ITFG1: variants seen among roughly 807,000 people sequenced by gnomAD.
ITFG1 encodes T-cell immunomodulatory protein.
ITFG1 carries 34 observed loss-of-function variants against 81.8 expected under a neutral mutation model. The ratio of observed to expected loss-of-function variants is 0.42; its 90% CI spans 0.32 to 0.55. ITFG1 has a LOEUF of 0.55. Ranked by LOEUF, ITFG1 falls within the 20% of genes least tolerant of loss-of-function variation. The pLI is 0.17. For missense variants in ITFG1, 672 were observed against 755.4 expected (o/e 0.89, Z 1.29); for synonymous variants, 285 against 270.6 (o/e 1.05, Z -0.52).
chr16:47,332,127 A>C (rs2151574166), intron 8 of ITFG1, among the ~76,000 whole-genome samples: 1 of 152,196 alleles, frequency 6.6e-6, no homozygotes, highest in African/African-American at 2.4e-5. Context: ...ACTTTTTGCC[A>C]GAAGGGTAGA....
At chr16:47,420,937 T>C (rs560013179) in intron 6 of ITFG1, among the ~76,000 whole-genome samples, 1 of 152,290 alleles carries the variant, frequency 6.6e-6, no homozygotes, top group African/African-American at 2.4e-5. Context: ...ATCTGGGTGC[T>C]CCACTGTTAG....
At chr16:47,290,635 T>C (rs1374928280) in intron 10 of ITFG1, among the ~76,000 whole-genome samples, 4 of 152,312 alleles carry the variant, frequency 2.6e-5, no homozygotes, top group Admixed American at 2.6e-4. Context: ...CCAGCTCAAT[T>C]GGCTTCTGTT....
Position 47,286,284 on chromosome 16 carries a change from G to A in ITFG1, c.1070+24956C>T, listed in dbSNP as rs145712683. Among the ~76,000 whole-genome samples, 904 of 152,204 alleles carry A rather than the reference G, an allele frequency of 5.9e-3. 13 individuals are homozygous for A. Among genetic ancestry groups the A allele is most frequent in the South Asian group, 0.057 (277 of 4,824 alleles). On this transcript the variant is annotated intron_variant, in intron 10 of 17. Transcript: ENST00000320640. ...CAGAGGCTGGGACTTTAACTGCCCCGTCAATTATATGATATGATAAAGGAG... is the reference window on the plus strand; with the variant it reads ...CAGAGGCTGGGACTTTAACTGCCCCATCAATTATATGATATGATAAAGGAG...
intron 2 of ITFG1, among the ~76,000 whole-genome samples, chr16:47,455,580 C>T (rs182800584): frequency 6.2e-4 from 94 of 151,510 alleles, no homozygotes; most frequent in Non-Finnish European, 7.4e-5. Context: ...ACCAGCCTGG[C>T]CAACATTGCA....
chr16:47,421,948 G>C (rs1259937717), intron 6 of ITFG1, among the ~76,000 whole-genome samples: 1 of 152,134 alleles, frequency 6.6e-6, no homozygotes. Context: ...CTGTCCTTGT[G>C]ACAGTTTGCT....
chr16:47,328,656 A>C (rs980023576), intron 8 of ITFG1, among the ~76,000 whole-genome samples: 1 of 152,124 alleles, frequency 6.6e-6, no homozygotes, highest in African/African-American at 2.4e-5. Context: ...GCAGAGTGAT[A>C]CTTAAGGGCT....
chr16:47,412,605 A>G (rs1968825542), intron 6 of ITFG1, among the ~76,000 whole-genome samples: 1 of 151,688 alleles, frequency 6.6e-6, no homozygotes, highest in Non-Finnish European at 1.5e-5. Flanking sequence ...GAGGCATGAG[A>G]ATCACTTGAA....
chr16:47,458,428 C>T (rs1969480350), intron 2 of ITFG1, among the ~76,000 whole-genome samples: 1 of 152,172 alleles, frequency 6.6e-6, no homozygotes, highest in African/African-American at 2.4e-5. Flanking sequence ...TTCCATGACT[C>T]TGGAAGCTGC....
chr16:47,280,264 C>A (rs1221858472), intron 10 of ITFG1, among the ~76,000 whole-genome samples: 1 of 151,948 alleles, frequency 6.6e-6, no homozygotes, highest in Non-Finnish European at 1.5e-5. Context: ...TTTTATAATT[C>A]TTTATCAAGT....
intron 5 of ITFG1, 109 bp downstream of exon 5, chr16:47,451,287 A>G (rs2151618520): frequency 3.2e-6 from 2 of 623,446 alleles, no homozygotes; most frequent in South Asian, 2.2e-5. Context: ...CCAAATGCCC[A>G]CTTAAAAATC....
chr16:47,427,792 AG>A (rs1298894028), intron 6 of ITFG1, among the ~76,000 whole-genome samples: 1 of 152,222 alleles, frequency 6.6e-6, no homozygotes, highest in African/African-American at 2.4e-5. Flanking sequence ...AACATGTCGG[AG>A]AAAATCTGGG....
intron 14 of ITFG1, among the ~76,000 whole-genome samples, chr16:47,181,284 G>A (rs1237297498): frequency 6.7e-6 from 1 of 149,888 alleles, no homozygotes; most frequent in African/African-American, 2.5e-5. Context: ...TCTGGGAAGT[G>A]AGGAGCGTCT....
intron 8 of ITFG1, among the ~76,000 whole-genome samples, chr16:47,361,204 A>G (rs757775232): frequency 1.1e-4 from 16 of 152,128 alleles, no homozygotes; most frequent in Admixed American, 3.9e-4. Context: ...TGAAGATGTG[A>G]TACACAGCAG....
intron 14 of ITFG1, among the ~76,000 whole-genome samples, chr16:47,183,746 G>C (rs942045984): frequency 1.3e-4 from 20 of 152,202 alleles, no homozygotes; most frequent in Admixed American, 7.9e-4. Context: ...TCCTCCAAAG[G>C]AACGCAGTTC....
chr16:47,218,719 A>T (rs958274518), intron 14 of ITFG1, 149 bp downstream of exon 14: 5 of 406,530 alleles, frequency 1.2e-5, no homozygotes, highest in Non-Finnish European at 1.7e-5. Flanking sequence ...TTTATAATCT[A>T]CCAATGTAAG....
intron 10 of ITFG1, among the ~76,000 whole-genome samples, chr16:47,264,412 T>C (rs1966249831): frequency 6.6e-6 from 1 of 152,108 alleles, no homozygotes; most frequent in Non-Finnish European, 1.5e-5. Context: ...AAGTCTCCCA[T>C]TAGTAGCCTA....
intron 5 of ITFG1, among the ~76,000 whole-genome samples, chr16:47,431,402 G>A (rs1177282915): frequency 1.3e-5 from 2 of 152,182 alleles, no homozygotes; most frequent in African/African-American, 4.8e-5. Flanking sequence ...TAGGTTGTGT[G>A]CTCCTTATGA....
At chr16:47,296,921 C>T (rs1966991115) in intron 10 of ITFG1, among the ~76,000 whole-genome samples, 1 of 152,082 alleles carries the variant, frequency 6.6e-6, no homozygotes, top group Admixed American at 6.5e-5. Flanking sequence ...TAGAATGTTC[C>T]ACATGTGTCT....
intron 8 of ITFG1, among the ~76,000 whole-genome samples, chr16:47,348,885 A>G (rs1431656852): frequency 6.6e-6 from 1 of 152,268 alleles, no homozygotes; most frequent in Non-Finnish European, 1.5e-5. Flanking sequence ...TACAAGCCAG[A>G]AGAGAGTGGG....
Sources: allele counts gnomAD v4.1 joint callset (sites outside exome capture counted in the v4.1 genomes callset), GRCh38; gene constraint gnomAD v4.1.1; transcripts MANE v1.5; gene names NCBI Gene and HGNC (gene_info 2026-07-23, HGNC 2026-07-21).